Variants in COL4A1 observed in about 807,000 individuals in gnomAD.
The protein encoded by COL4A1 is collagen alpha-1(IV) chain.
Under a neutral mutation model 216.6 loss-of-function variants are expected in COL4A1, and 40 were observed. The observed-to-expected ratio is 0.18, with a 90% confidence interval of 0.14 to 0.24. COL4A1 has a LOEUF of 0.24. COL4A1 is among the 10% of genes least tolerant of loss of function. The pLI is 1.00. For missense variants in COL4A1, 1,628 were observed against 2,196.8 expected (o/e 0.74, Z 5.18); for synonymous variants, 839 against 810.7 (o/e 1.03, Z -0.59).
At chr13:110,193,693 A>T (rs534737646) in intron 22 of COL4A1, among the ~76,000 whole-genome samples, 35 of 152,306 alleles carry the variant, frequency 2.3e-4, no homozygotes, top group African/African-American at 8.4e-4. Context: ...GCTATTGCCC[A>T]CTCTGCCCTG....
chr13:110,246,097 T>G (rs1881795726), intron 1 of COL4A1, among the ~76,000 whole-genome samples: 1 of 152,132 alleles, frequency 6.6e-6, no homozygotes, highest in Non-Finnish European at 1.5e-5. Flanking sequence ...ATCATGATTT[T>G]TGTGTCACAT....
At position 110,211,167 on chromosome 13, in the gene COL4A1, G is replaced by A. The variant is rs1879776540; in HGVS notation, c.468+480C>T. On this transcript the variant is annotated intron_variant, in intron 8 of 51. Coordinates refer to ENST00000375820, the MANE Select transcript of COL4A1 (RefSeq NM_001845.6). This position sits in a 1 kb window ranked among gnomAD's most constrained non-coding sequence, Gnocchi z 4.3. ...AGACCTGTAAGCCTCCCTTTGACAAGGCTGATCCCAACATCCAGATGCCCG... is the reference window on the plus strand; with the variant it reads ...AGACCTGTAAGCCTCCCTTTGACAAAGCTGATCCCAACATCCAGATGCCCG... 6.6e-6 allele frequency among the ~76,000 whole-genome samples: 1 copy of A among 152,182 alleles called. No individual in the cohort carries two copies.
intron 2 of COL4A1, among the ~76,000 whole-genome samples, chr13:110,225,912 T>C (rs1880718837): frequency 6.6e-6 from 1 of 152,230 alleles, no homozygotes; most frequent in Non-Finnish European, 1.5e-5. Context: ...CTGTTTTACC[T>C]GGCAGCATTA....
chr13:110,284,629 C>A (rs912818377), intron 1 of COL4A1, among the ~76,000 whole-genome samples: 55 of 152,290 alleles, frequency 3.6e-4, no homozygotes, highest in African/African-American at 1.3e-3. Context: ...ACAGATAGAG[C>A]AAGCAAAATA....
rs1196846493 is a variant in COL4A1 at position 110,161,211 on chromosome 13, T to C, written c.4621A>G (p.Ile1541Val). 16 of 1,614,118 alleles carry C rather than the reference T, an allele frequency of 9.9e-6. No individual in the cohort carries two copies. Among genetic ancestry groups the C allele is most frequent in the Admixed American group, 1.7e-5 (1 of 60,012 alleles). Residue 1541 changes from isoleucine (I) to valine (V), a missense_variant, in exon 49 of 52, where the codon ATA becomes GTA. This residue lies in a region of COL4A1 where 254 missense variants were observed against 300.1 expected (regional missense o/e 0.85). Coordinates refer to ENST00000375820, the MANE Select transcript of COL4A1 (RefSeq NM_001845.6). ...MSMAPITGEN[I>V]RPFISRCAVC... ...ACTCACCTACTAATAAATGGTCTTA[T>C]GTTTTCCCCCGTGATGGGTGCCATT...
At chr13:110,168,631 C>T (rs1176697407) in intron 43 of COL4A1, among the ~76,000 whole-genome samples, 11 of 152,214 alleles carry the variant, frequency 7.2e-5, no homozygotes, top group East Asian at 1.9e-4. Flanking sequence ...CTGTATCCAT[C>T]CTTGAGAAAG....
chr13:110,212,589 T>G lies in COL4A1; in HGVS notation c.309A>C (p.Gly103=), dbSNP rs752108960. ...CTATACATACGGGAAGTCCTGGGTT[T>G]CCAGGGTAGCCAGATGCTCCCGGAG... ...RGPPGASGYP[G]NPGLPGIPGQ... Residue 103 remains glycine, a synonymous_variant, in exon 5 of 52, where the codon GGA becomes GGC. Transcript: ENST00000375820. 106 of 1,614,034 alleles carry G rather than the reference T, an allele frequency of 6.6e-5. No individual in the cohort carries two copies. Among genetic ancestry groups the G allele is most frequent in the Non-Finnish European group, 8.7e-5 (103 of 1,180,048 alleles).
intron 43 of COL4A1, among the ~76,000 whole-genome samples, chr13:110,168,298 A>G (rs529587524): frequency 7.9e-5 from 12 of 152,366 alleles, no homozygotes; most frequent in Admixed American, 6.5e-4. Context: ...TACAGGCGTG[A>G]GCTACCAGGC....
intron 1 of COL4A1, among the ~76,000 whole-genome samples, chr13:110,282,223 T>C (rs751389500): frequency 5.3e-5 from 8 of 152,198 alleles, no homozygotes; most frequent in Non-Finnish European, 1.2e-4. Flanking sequence ...TGAGTTTGAA[T>C]ACTAGTGGAG....
chr13:110,295,949 T>A (rs1230812940), intron 1 of COL4A1, among the ~76,000 whole-genome samples: 1 of 152,236 alleles, frequency 6.6e-6, no homozygotes, highest in Admixed American at 6.5e-5. Context: ...TGTGGGCAGC[T>A]GTCTCCACTG....
chr13:110,203,768 A>C (rs561579962), intron 17 of COL4A1, among the ~76,000 whole-genome samples, 161 bp from the exon 18 acceptor site: 1 of 152,300 alleles, frequency 6.6e-6, no homozygotes, highest in East Asian at 1.9e-4. Context: ...ATTACAACAA[A>C]AATGAATAGA....
chr13:110,240,070 C>A (rs1163142972), intron 2 of COL4A1, among the ~76,000 whole-genome samples: 3 of 152,072 alleles, frequency 2.0e-5, no homozygotes, highest in Non-Finnish European at 2.9e-5. Flanking sequence ...AATACTAAAC[C>A]ATTTAGCTAT....
At chr13:110,244,638 C>T (rs904733274) in intron 1 of COL4A1, among the ~76,000 whole-genome samples, 2 of 152,150 alleles carry the variant, frequency 1.3e-5, no homozygotes, top group Non-Finnish European at 2.9e-5. Context: ...TCACCTGCTC[C>T]CTACCTGGCT....
chr13:110,205,470 T>TA, intron 16 of COL4A1, 24 bp downstream of exon 16: 18 of 1,605,600 alleles, frequency 1.1e-5, no homozygotes, highest in African/African-American at 1.5e-5. Flanking sequence ...AGCCTGCTTG[T>TA]AAAAACCACA....
Position 110,207,117 on chromosome 13 carries a change from C to T in COL4A1, c.781-226G>A, listed in dbSNP as rs541055731. Among the ~76,000 whole-genome samples the T allele has an allele frequency of 3.5e-3, 529 of 152,170 alleles. 3 individuals are homozygous for T. Among genetic ancestry groups the T allele is most frequent in the African/African-American group, 0.012 (502 of 41,532 alleles). ...ACTGGCCCTGCCCCCCTCCTGCCCCCCAGCCCAGCTCCCTCCTCCTGACCA... is the reference window on the plus strand; with the variant it reads ...ACTGGCCCTGCCCCCCTCCTGCCCCTCAGCCCAGCTCCCTCCTCCTGACCA... On this transcript the variant is annotated intron_variant, in intron 13 of 51. Transcript: ENST00000375820. The surrounding 1 kb of genome is among the most constrained non-coding windows in gnomAD (Gnocchi z 4.4).
At chr13:110,203,786 T>C (rs982984805) in intron 17 of COL4A1, among the ~76,000 whole-genome samples, 179 bp from the exon 18 acceptor site, 2 of 152,254 alleles carry the variant, frequency 1.3e-5, no homozygotes, top group East Asian at 3.8e-4. Flanking sequence ...AGATTTCATT[T>C]TGCTTTGCAC....
intron 1 of COL4A1, among the ~76,000 whole-genome samples, chr13:110,276,740 C>A (rs2139295663): frequency 6.6e-6 from 1 of 152,280 alleles, no homozygotes; most frequent in South Asian, 2.1e-4. Context: ...CTGTTGTGAC[C>A]AGTTTTAATT....
intron 50 of COL4A1, among the ~76,000 whole-genome samples, chr13:110,154,520 T>C (rs1342135882): frequency 2.0e-5 from 3 of 152,252 alleles, no homozygotes; most frequent in Non-Finnish European, 4.4e-5. Flanking sequence ...GTAGAATGTG[T>C]ACTCCCCACG....
intron 2 of COL4A1, among the ~76,000 whole-genome samples, chr13:110,228,628 C>T (rs1880861502): frequency 6.6e-6 from 1 of 152,192 alleles, no homozygotes. Flanking sequence ...GGAAAGGAAA[C>T]GGATGCTTAT....
Sources: gnomAD v4.1 joint callset for allele counts (sites outside exome capture counted in the v4.1 genomes callset) on GRCh38, gnomAD v4.1.1 for gene constraint, gnomAD v4.1.1 regional missense constraint, Gnocchi (gnomAD v3.1) non-coding constraint, MANE v1.5 for transcripts, NCBI Gene and HGNC (gene_info 2026-07-23, HGNC 2026-07-21) for gene names.